FRAS1: variants seen among roughly 807,000 people sequenced by gnomAD.
The protein encoded by FRAS1 is Fraser extracellular matrix complex subunit 1.
FRAS1 carries 290 observed loss-of-function variants against 435.2 expected under a neutral mutation model. That is an observed-to-expected ratio of 0.67 (90% CI 0.61 to 0.73). The LOEUF is 0.73. FRAS1 is among the 30% of genes least tolerant of loss of function. FRAS1 has a pLI of 0.00. For synonymous variants in FRAS1, 1,800 were observed against 1,851.0 expected (o/e 0.97, Z 0.71); for missense variants, 4,860 against 5,001.5 (o/e 0.97, Z 0.85).
At chr4:78,179,795 T>C (rs545863121) in intron 2 of FRAS1, among the ~76,000 whole-genome samples, 117 of 152,190 alleles carry the variant, frequency 7.7e-4, no homozygotes, top group African/African-American at 2.5e-3. Context: ...CCCACTGACA[T>C]AGGAGCTACC....
intron 37 of FRAS1, among the ~76,000 whole-genome samples, chr4:78,430,774 G>A (rs1364803795): frequency 3.3e-5 from 5 of 151,934 alleles, no homozygotes; most frequent in Non-Finnish European, 5.9e-5. Flanking sequence ...GTCTTAATTT[G>A]GTATGTGAAT....
intron 15 of FRAS1, among the ~76,000 whole-genome samples, chr4:78,312,996 A>G (rs1729095597): frequency 6.6e-6 from 1 of 152,136 alleles, no homozygotes; most frequent in African/African-American, 2.4e-5. Context: ...TAGATTTACA[A>G]ATTTCCCTCT....
At chr4:78,245,417 T>C in intron 4 of FRAS1, 92 bp downstream of exon 4, 1 of 898,006 alleles carries the variant, frequency 1.1e-6, no homozygotes. Context: ...TGAGAGTTTT[T>C]TTCTTTGCCT....
At chr4:78,213,656 G>A (rs531486919) in intron 2 of FRAS1, among the ~76,000 whole-genome samples, 11 of 152,072 alleles carry the variant, frequency 7.2e-5, no homozygotes, top group African/African-American at 2.4e-4. Context: ...CTTAAAGGGT[G>A]ATTTTTTTTT....
At chr4:78,256,539 C>A (rs772815273) in intron 6 of FRAS1, among the ~76,000 whole-genome samples, 20 of 152,148 alleles carry the variant, frequency 1.3e-4, no homozygotes, top group Non-Finnish European at 2.4e-4. Flanking sequence ...CCATTGGAAA[C>A]CTTCTGCTTT....
At chr4:78,358,944 C>T (rs1003981817) in intron 20 of FRAS1, among the ~76,000 whole-genome samples, 1 of 152,094 alleles carries the variant, frequency 6.6e-6, no homozygotes, top group African/African-American at 2.4e-5. Context: ...TTAATCTAAT[C>T]TATGTAAAAA....
chr4:78,067,618 C>A (rs1021467157), intron 2 of FRAS1, among the ~76,000 whole-genome samples: 1 of 151,312 alleles, frequency 6.6e-6, no homozygotes, highest in Admixed American at 6.6e-5. Context: ...CAGGTGACTT[C>A]TTTGCTTACC....
intron 20 of FRAS1, among the ~76,000 whole-genome samples, chr4:78,343,276 G>T (rs749190988): frequency 6.7e-6 from 1 of 149,592 alleles, no homozygotes; most frequent in African/African-American, 2.5e-5. Flanking sequence ...GCCTCTTACA[G>T]GGTTAGCCAG....
chr4:78,128,630 G>A (rs1042955004), intron 2 of FRAS1, among the ~76,000 whole-genome samples: 7 of 152,100 alleles, frequency 4.6e-5, no homozygotes, highest in African/African-American at 1.7e-4. Context: ...ATTTGTTTGA[G>A]TTCATTGTAG....
intron 45 of FRAS1, among the ~76,000 whole-genome samples, 170 bp from the exon 46 acceptor site, chr4:78,451,602 G>A (rs1719023932): frequency 6.6e-6 from 1 of 152,136 alleles, no homozygotes; most frequent in South Asian, 2.1e-4. Context: ...TGGTGGGAGA[G>A]GAAAAGGAGG....
chr4:78,403,271 A>G (rs1732970958), intron 30 of FRAS1, among the ~76,000 whole-genome samples: 1 of 152,190 alleles, frequency 6.6e-6, no homozygotes, highest in Non-Finnish European at 1.5e-5. Flanking sequence ...CGCTGAATTA[A>G]ATGTTTTTTT....
At position 78,450,163 on chromosome 4, in the gene FRAS1, G is replaced by A. The variant is rs774682680; in HGVS notation, c.6287G>A (p.Arg2096His). The A allele has an allele frequency of 4.0e-5, 64 of 1,613,154 alleles. 1 individual carries two copies. The South Asian group carries it at 4.5e-4, about 11-fold the overall frequency. The change falls in exon 45 of 74, where the codon CGC becomes CAC. Residue 2096 changes from arginine (R) to histidine (H), a missense_variant. Transcript: ENST00000512123. ...GTTCTCTTCCAAGGGTCTGTAGCACGCATCACAGAACAGCACTTGAAAGTG... is the reference window on the plus strand; with the variant it reads ...GTTCTCTTCCAAGGGTCTGTAGCACACATCACAGAACAGCACTTGAAAGTG... Reference protein sequence around the residue: ...GLQLSAGSVARITEQHLKVTD... With the variant: ...GLQLSAGSVAHITEQHLKVTD...
intron 9 of FRAS1, among the ~76,000 whole-genome samples, chr4:78,274,263 T>C (rs1195987798): frequency 2.0e-5 from 3 of 152,096 alleles, no homozygotes; most frequent in South Asian, 2.1e-4. Context: ...TTCAAAAAAC[T>C]AGCTCCTGGA....
chr4:78,068,686 AG>A, intron 2 of FRAS1: 1 of 420,756 alleles, frequency 2.4e-6, no homozygotes, highest in Non-Finnish European at 4.7e-6. Flanking sequence ...AAGACTCCAT[AG>A]GGGTGAGTCA....
chr4:78,532,974 T>C (rs1268035539), intron 70 of FRAS1, among the ~76,000 whole-genome samples: 1 of 152,218 alleles, frequency 6.6e-6, no homozygotes, highest in Non-Finnish European at 1.5e-5. Context: ...AAGATGGTGA[T>C]TTCCCCTTGT....
At position 78,124,034 on chromosome 4, in the gene FRAS1, G is replaced by C. The variant is rs145048050; in HGVS notation, c.108+58018G>C. ...CTATGTTGGATAGGCGTGAGACAGG[G>C]TATCCTTGTCTTGTGCCAGTTTTCA... On this transcript the variant is annotated intron_variant, in intron 2 of 73. Coordinates refer to ENST00000512123, the MANE Select transcript of FRAS1 (RefSeq NM_025074.7). Among the ~76,000 whole-genome samples the C allele has an allele frequency of 3.3e-3, 498 of 152,206 alleles. 1 individual carries two copies. Among genetic ancestry groups the C allele is most frequent in the Non-Finnish European group, 5.3e-3 (357 of 67,998 alleles).
intron 36 of FRAS1, 80 bp from the exon 37 acceptor site, chr4:78,430,212 T>A (rs1415412586): frequency 1.3e-5 from 20 of 1,560,900 alleles, no homozygotes. Flanking sequence ...ACTCCTAGCC[T>A]GGCCTGCGGT....
chr4:78,060,735 C>A (rs185472742), intron 1 of FRAS1, among the ~76,000 whole-genome samples: 1 of 152,128 alleles, frequency 6.6e-6, no homozygotes, highest in African/African-American at 2.4e-5. Context: ...AGGTACATTA[C>A]GTGATAGCTC....
intron 2 of FRAS1, among the ~76,000 whole-genome samples, chr4:78,131,771 A>G (rs1719696132): frequency 6.6e-6 from 1 of 152,270 alleles, no homozygotes. Context: ...CTGGTAGCAT[A>G]CAATCAAGTG....
Sources: gnomAD v4.1 joint callset for allele counts (sites outside exome capture counted in the v4.1 genomes callset) on GRCh38, gnomAD v4.1.1 for gene constraint, MANE v1.5 for transcripts, NCBI Gene and HGNC (gene_info 2026-07-23, HGNC 2026-07-21) for gene names.